The following PHF2 variants were observed in gnomAD, a reference collection of about 807,000 sequenced individuals.
The protein encoded by PHF2 is PHD finger protein 2, also known as lysine-specific demethylase PHF2.
PHF2 carries 27 observed loss-of-function variants against 120.5 expected under a neutral mutation model. The observed-to-expected ratio is 0.22, with a 90% CI of 0.17 to 0.31. PHF2 has a LOEUF of 0.31. Among genes scored for constraint, PHF2 ranks in the 10% least tolerant of loss-of-function variants. The pLI is 1.00. For missense variants in PHF2, 1,024 were observed against 1,434.8 expected (o/e 0.71, Z 4.63); for synonymous variants, 568 against 592.5 (o/e 0.96, Z 0.60).
chr9:93,594,248 G>T (rs1289281270), intron 1 of PHF2, among the ~76,000 whole-genome samples: 4 of 148,882 alleles, frequency 2.7e-5, no homozygotes, highest in Admixed American at 2.0e-4. Flanking sequence ...ATCTGCCTGT[G>T]TTGGCCAGAG....
In PHF2 at chr9:93,675,665, CCTT is replaced by C. The variant is rs1346613769; in HGVS notation, c.2723-11_2723-9del. On this transcript the variant is annotated splice_polypyrimidine_tract_variant and intron_variant, in intron 19 of 21. Coordinates refer to ENST00000359246, the MANE Select transcript of PHF2 (RefSeq NM_005392.4). ...TGGCCTACAGCTTGAGGGGGCTGGC[CCTT>C]CTTTTCCACAGCAAGGGTCGGCCCA... is the stretch of plus-strand genomic sequence containing the variant. 6.2e-7 allele frequency: 1 copy of C among 1,602,230 alleles called. No homozygotes were observed. The highest frequency in any genetic ancestry group is 8.5e-7 in the Non-Finnish European group (1 of 1,171,196).
At chr9:93,609,905 G>A (rs141457507) in intron 1 of PHF2, among the ~76,000 whole-genome samples, 5 of 152,174 alleles carry the variant, frequency 3.3e-5, no homozygotes, top group African/African-American at 7.2e-5. Flanking sequence ...CCACGTTGGC[G>A]AGGTTGGTCT....
intron 10 of PHF2, 126 bp from the exon 11 acceptor site, chr9:93,659,385 C>T (rs907617342): frequency 3.5e-5 from 25 of 714,204 alleles, no homozygotes; most frequent in East Asian, 1.1e-4. Context: ...GAGTTTGGCT[C>T]GGAAGCCCCT....
chr9:93,576,748 G>C lies in PHF2; in HGVS notation c.-26G>C. On this transcript the variant is annotated 5_prime_UTR_variant, in exon 1 of 22. Transcript: ENST00000359246. Reference sequence around the variant, plus strand: ...CCGACCCGGGCAGCGCAGCGGCGGGGCCGAGCGGCGGCGCGGCGCGGCAAC... The same window carrying C: ...CCGACCCGGGCAGCGCAGCGGCGGGCCCGAGCGGCGGCGCGGCGCGGCAAC... 8.7e-7 allele frequency: 1 copy of C among 1,147,556 alleles called. No homozygotes were observed. 71.1% of individuals were successfully genotyped at this position (1,147,556 alleles called of 1,614,324 possible).
intron 4 of PHF2, among the ~76,000 whole-genome samples, chr9:93,647,209 T>C (rs1458082162): frequency 6.6e-6 from 1 of 152,116 alleles, no homozygotes; most frequent in African/African-American, 2.4e-5. Flanking sequence ...AGCTAATATA[T>C]AGTGAGGGCC....
chr9:93,655,581 A>G (rs1030738947), intron 7 of PHF2, among the ~76,000 whole-genome samples: 1 of 152,210 alleles, frequency 6.6e-6, no homozygotes, highest in East Asian at 1.9e-4. Context: ...CTGTCTGAGT[A>G]CTGCCCCCTC....
intron 1 of PHF2, among the ~76,000 whole-genome samples, chr9:93,581,006 G>C (rs182103873): frequency 1.3e-5 from 2 of 152,242 alleles, no homozygotes; most frequent in East Asian, 3.9e-4. Flanking sequence ...AGGGGGTGGG[G>C]AGTGAGGACT....
At chr9:93,653,543 G>A (rs990029771) in intron 6 of PHF2, among the ~76,000 whole-genome samples, 178 bp downstream of exon 6, 1 of 152,234 alleles carries the variant, frequency 6.6e-6, no homozygotes, top group Non-Finnish European at 1.5e-5. Flanking sequence ...GGGCAGGGGT[G>A]CATGTGGGAC....
chr9:93,648,170 C>T (rs912053620), intron 4 of PHF2, among the ~76,000 whole-genome samples: 2 of 152,162 alleles, frequency 1.3e-5, no homozygotes, highest in Non-Finnish European at 2.9e-5. Flanking sequence ...TCATTCTATC[C>T]TGTTGGTTTG....
At chr9:93,584,921 T>C (rs1863008188) in intron 1 of PHF2, among the ~76,000 whole-genome samples, 1 of 152,276 alleles carries the variant, frequency 6.6e-6, no homozygotes, top group Non-Finnish European at 1.5e-5. Context: ...CAGTGTTTTA[T>C]AGTTGTTGGT....
chr9:93,611,545 C>T (rs1242185429), intron 1 of PHF2, among the ~76,000 whole-genome samples: 1 of 152,134 alleles, frequency 6.6e-6, no homozygotes, highest in African/African-American at 2.4e-5. Flanking sequence ...GGGTCTTGCT[C>T]TGTCACCCAG....
intron 4 of PHF2, among the ~76,000 whole-genome samples, chr9:93,647,155 C>G (rs1201295154): frequency 3.3e-5 from 5 of 152,224 alleles, no homozygotes; most frequent in African/African-American, 4.8e-5. Context: ...GGCCAGTGCT[C>G]TTTCTCACCT....
rs190061929 is a variant in PHF2, at chr9:93,655,628, G to A, written c.953-306G>A. ...GTGAGTCCCCTCAGCTCTGGGCCTC[G>A]GTTTCCCTGTCTGTGCAGGGCTGGA... On this transcript the variant is annotated intron_variant, in intron 7 of 21. Coordinates refer to ENST00000359246, the MANE Select transcript of PHF2 (RefSeq NM_005392.4). 9.2e-5 allele frequency among the ~76,000 whole-genome samples: 14 copies of A among 152,304 alleles called. No individual in the cohort carries two copies. The East Asian group carries it at 1.9e-3, about 21-fold the overall frequency.
rs117133498 is a variant in PHF2, at chr9:93,619,586, C to T, written c.99-10384C>T. ...GTAGCCCCTGGTGGCCTGTGCTCCA[C>T]GCCTGCTGGTGGTTCCTGGTGGCCT... is the stretch of plus-strand genomic sequence containing the variant. On this transcript the variant is annotated intron_variant, in intron 1 of 21. Coordinates refer to ENST00000359246, the MANE Select transcript of PHF2 (RefSeq NM_005392.4). Among the ~76,000 whole-genome samples, 1,407 of 151,628 alleles carry T rather than the reference C, an allele frequency of 9.3e-3. 17 individuals carry two copies. Among genetic ancestry groups the T allele is most frequent in the Non-Finnish European group, 9.8e-3 (668 of 67,844 alleles).
intron 14 of PHF2, 150 bp downstream of exon 14, chr9:93,663,785 G>T (rs1211866965): frequency 7.4e-6 from 4 of 538,198 alleles, no homozygotes; most frequent in African/African-American, 5.8e-5. Context: ...ACCACACACT[G>T]CATCACACAC....
intron 14 of PHF2, among the ~76,000 whole-genome samples, chr9:93,664,002 G>A (rs578046096): frequency 2.8e-4 from 42 of 152,348 alleles, no homozygotes; most frequent in African/African-American, 9.6e-4. Flanking sequence ...AAGCAGACAT[G>A]CCTGGGTGGG....
chr9:93,576,980 C>CT, intron 1 of PHF2, 109 bp downstream of exon 1: 1 of 235,768 alleles, frequency 4.2e-6, no homozygotes, highest in Non-Finnish European at 6.8e-6. Flanking sequence ...GGGGACGGGC[C>CT]GCCGCCGCCG....
intron 1 of PHF2, among the ~76,000 whole-genome samples, chr9:93,615,187 G>A (rs10992801): frequency 1.3e-4 from 12 of 91,820 alleles, no homozygotes; most frequent in East Asian, 2.8e-4. Context: ...AATGGTGATG[G>A]CGATGGTGAT....
At position 93,676,827 on chromosome 9, in the gene PHF2, G is replaced by A. The variant is rs373811382; in HGVS notation, c.3066G>A (p.Ala1022=). The change falls in exon 21 of 22, where the codon GCG becomes GCA. Residue 1022 remains alanine (A), a synonymous_variant. Coordinates refer to ENST00000359246, the MANE Select transcript of PHF2 (RefSeq NM_005392.4). ...CTGAGTCGCATAGCAGCAGCCTGGC[G>A]GACCATGAGTACACAGCCGCTGGCA... The part of the protein sequence containing the change: ...PPPESHSSSL[A]DHEYTAAGTF... 42 of 1,557,672 alleles carry A rather than the reference G, an allele frequency of 2.7e-5. No homozygotes were observed. Among genetic ancestry groups the A allele is most frequent in the Middle Eastern group, 1.7e-4 (1 of 6,010 alleles).
Sources: gnomAD v4.1 joint callset for allele counts (sites outside exome capture counted in the v4.1 genomes callset) on GRCh38, gnomAD v4.1.1 for gene constraint, MANE v1.5 for transcripts, NCBI Gene and HGNC (gene_info 2026-07-23, HGNC 2026-07-21) for gene names.